Variants in WWC2 observed in about 807,000 individuals in gnomAD.
The protein encoded by WWC2 is WW and C2 domain containing 2.
Under a neutral mutation model 138.5 loss-of-function variants are expected in WWC2, and 101 were observed. The ratio of observed to expected loss-of-function variants is 0.73; its 90% CI spans 0.62 to 0.86. WWC2 has a LOEUF of 0.86. Among genes scored for constraint, WWC2 ranks in the 40% least tolerant of loss-of-function variants. The pLI is 0.00. For synonymous variants in WWC2, 558 were observed against 538.4 expected, an observed-to-expected ratio of 1.04 and a Z score of -0.50; for missense variants, 1,420 against 1,419.4, an observed-to-expected ratio of 1.00 and a Z score of -0.01.
At chr4:183,191,023 T>C (rs1266627294) in intron 1 of WWC2, among the ~76,000 whole-genome samples, 2 of 152,130 alleles carry the variant, frequency 1.3e-5, no homozygotes, top group African/African-American at 4.8e-5. Context: ...GCATGTGCCT[T>C]TTAGACAGCA....
intron 1 of WWC2, among the ~76,000 whole-genome samples, chr4:183,103,529 T>C (rs1013111455): frequency 9.2e-5 from 14 of 151,884 alleles, no homozygotes; most frequent in African/African-American, 3.1e-4. Flanking sequence ...GGTTTCACCA[T>C]GTTGGCCAGG....
At chr4:183,262,166 T>G (rs1050329601) in intron 11 of WWC2, among the ~76,000 whole-genome samples, 14 of 152,184 alleles carry the variant, frequency 9.2e-5, no homozygotes, top group African/African-American at 3.4e-4. Context: ...AAAAATATCA[T>G]TTTTTTGTTT....
chr4:183,197,800 T>C (rs955942021), intron 2 of WWC2, among the ~76,000 whole-genome samples: 1 of 152,170 alleles, frequency 6.6e-6, no homozygotes, highest in Non-Finnish European at 1.5e-5. Context: ...TTTAAGCGTG[T>C]ATTTTGGGTG....
At chr4:183,199,147 A>G (rs1735228865) in intron 2 of WWC2, among the ~76,000 whole-genome samples, 1 of 152,168 alleles carries the variant, frequency 6.6e-6, no homozygotes, top group Non-Finnish European at 1.5e-5. Context: ...AGTAGATTCA[A>G]AGGTCTCAAG....
intron 21 of WWC2, among the ~76,000 whole-genome samples, chr4:183,293,146 G>C (rs1156368208): frequency 2.6e-5 from 4 of 152,062 alleles, no homozygotes; most frequent in Non-Finnish European, 5.9e-5. Flanking sequence ...GTAGAGACAG[G>C]GTTTTGCCAT....
chr4:183,276,695 A>G (rs1197485429), intron 16 of WWC2, among the ~76,000 whole-genome samples: 1 of 151,862 alleles, frequency 6.6e-6, no homozygotes, highest in African/African-American at 2.4e-5. Context: ...CTTTTGTTAT[A>G]TTTTATTTCC....
chr4:183,236,417 T>C (rs1486784994), intron 4 of WWC2, among the ~76,000 whole-genome samples: 1 of 151,872 alleles, frequency 6.6e-6, no homozygotes, highest in Non-Finnish European at 1.5e-5. Context: ...AAACGTACAG[T>C]GATATACAGG....
At chr4:183,156,038 CTTTTT>C in intron 1 of WWC2, among the ~76,000 whole-genome samples, 1 of 132,920 alleles carries the variant, frequency 7.5e-6, no homozygotes, top group South Asian at 2.4e-4. Flanking sequence ...TTTTTTTTTT[CTTTTT>C]TGAGACGGAA....
rs145084199 is a variant in WWC2 at position 183,259,946 on chromosome 4, T to C, written c.1286+218T>C. 1.3e-3 allele frequency among the ~76,000 whole-genome samples: 191 copies of C among 152,322 alleles called. 3 individuals are homozygous for C. In the East Asian group the frequency reaches 0.028, roughly 22 times the overall value. ...TGAAATATGTTATAGAAAGAAGATATGTTTTAGCTGTCAGTACATTTAGGA... is the reference window on the plus strand; with the variant it reads ...TGAAATATGTTATAGAAAGAAGATACGTTTTAGCTGTCAGTACATTTAGGA... On this transcript the variant is annotated intron_variant, in intron 10 of 22. Transcript: ENST00000403733.
chr4:183,229,285 C>A (rs1736170362), intron 4 of WWC2, among the ~76,000 whole-genome samples: 2 of 152,058 alleles, frequency 1.3e-5, no homozygotes, highest in African/African-American at 4.8e-5. Context: ...ATGGGTCAAA[C>A]ATATATGAAT....
At chr4:183,125,799 C>CT (rs751546142) in intron 1 of WWC2, among the ~76,000 whole-genome samples, 4 of 152,190 alleles carry the variant, frequency 2.6e-5, no homozygotes, top group Non-Finnish European at 5.9e-5. Flanking sequence ...ATGTTCCTCT[C>CT]TCCATGTTAG....
chr4:183,242,520 G>A (rs1303536011), intron 5 of WWC2, among the ~76,000 whole-genome samples: 1 of 152,218 alleles, frequency 6.6e-6, no homozygotes, highest in African/African-American at 2.4e-5. Context: ...AAGCAGCAGT[G>A]TAGTATATGT....
chr4:183,196,950 T>C (rs6854282), intron 2 of WWC2, among the ~76,000 whole-genome samples: 148,568 of 152,304 alleles, frequency 0.98, 72,563 homozygotes, highest in Non-Finnish European at 1. Flanking sequence ...ATTGCATTTA[T>C]ATTATTTTTT....
intron 4 of WWC2, among the ~76,000 whole-genome samples, chr4:183,236,765 A>G (rs1560858814): frequency 6.6e-6 from 1 of 152,182 alleles, no homozygotes; most frequent in Non-Finnish European, 1.5e-5. Flanking sequence ...TTGGTTCTGT[A>G]TAAATCTTAG....
intron 14 of WWC2, among the ~76,000 whole-genome samples, chr4:183,267,936 G>A (rs1737558574): frequency 1.3e-5 from 2 of 151,914 alleles, no homozygotes; most frequent in South Asian, 4.2e-4. Flanking sequence ...GTTATTTTTT[G>A]ATTATTAATT....
At chr4:183,285,577 A>G (rs1272489178) in intron 19 of WWC2, among the ~76,000 whole-genome samples, 1 of 152,132 alleles carries the variant, frequency 6.6e-6, no homozygotes, top group South Asian at 2.1e-4. Context: ...CCTGGCCAAC[A>G]TGGTGAAACC....
chr4:183,128,317 C>T (rs1010507010), intron 1 of WWC2, among the ~76,000 whole-genome samples: 5 of 151,692 alleles, frequency 3.3e-5, no homozygotes, highest in Admixed American at 6.6e-5. Context: ...CCAGCCTGGG[C>T]GACAGAGCGA....
intron 1 of WWC2, among the ~76,000 whole-genome samples, chr4:183,131,636 G>GT (rs1332809115): frequency 3.9e-5 from 6 of 152,072 alleles, no homozygotes; most frequent in Non-Finnish European, 8.8e-5. Context: ...TTAATTGCTT[G>GT]TTTTTTAACT....
At position 183,261,498 on chromosome 4, in the gene WWC2, A is replaced by T; in HGVS notation, c.1875A>T (p.Glu625Asp). Reference protein sequence around the residue: ...QSLSEDKDLNECAREPLYEGT... With the variant: ...QSLSEDKDLNDCAREPLYEGT... The stretch of plus-strand genomic sequence containing the variant: ...TTTCAGAGGATAAAGACCTTAATGA[A>T]TGTGCTAGGGAGCCATTATATGAAG... The change falls in exon 11 of 23, where the codon GAA (glutamate) becomes GAT (aspartate). Residue 625 changes from glutamate (E) to aspartate (D), a missense_variant. By Grantham distance (45) the Glu-to-Asp change is conservative. Transcript: ENST00000403733. The T allele has an allele frequency of 6.2e-7, 1 of 1,612,796 alleles. No homozygotes were observed. The highest frequency in any genetic ancestry group is 8.5e-7 in the Non-Finnish European group (1 of 1,179,460).
Sources: gnomAD v4.1 joint callset for allele counts (sites outside exome capture counted in the v4.1 genomes callset) on GRCh38, gnomAD v4.1.1 for gene constraint, MANE v1.5 for transcripts, NCBI Gene and HGNC (gene_info 2026-07-23, HGNC 2026-07-21) for gene names.